ADAMTS2: variants seen among roughly 807,000 people sequenced by gnomAD.
ADAMTS2 encodes A disintegrin and metalloproteinase with thrombospondin motifs 2.
In ADAMTS2, 50 loss-of-function variants were observed where a neutral mutation model predicts 123.0. That is an observed-to-expected ratio of 0.41 (90% CI 0.32 to 0.51). The LOEUF is 0.51. Among genes scored for constraint, ADAMTS2 ranks in the 20% least tolerant of loss-of-function variants. ADAMTS2 has a pLI of 0.35. For missense variants in ADAMTS2, 1,494 were observed against 1,705.2 expected (o/e 0.88, Z 2.18); for synonymous variants, 678 against 695.4 (o/e 0.98, Z 0.39).
Position 179,153,529 on chromosome 5 carries a change from G to T in ADAMTS2, c.1477C>A (p.Arg493Ser), listed in dbSNP as rs779902229. Reference protein sequence around the residue: ...GLHYSMNEQCRFDFGLGYMMC... With the variant: ...GLHYSMNEQCSFDFGLGYMMC... ...ATGTAGCCCAGGCCGAAGTCAAAGCGGCATTGCTCGTTCATGGAGTAGTGC... is the reference window on the plus strand; with the variant it reads ...ATGTAGCCCAGGCCGAAGTCAAAGCTGCATTGCTCGTTCATGGAGTAGTGC... The change falls in exon 9 of 22, where the codon CGC becomes AGC. Residue 493 changes from arginine (R) to serine (S), a missense_variant. Physicochemically the swap from Arg to Ser is moderately radical, Grantham distance 110. Transcript: ENST00000251582. 4 of 1,610,908 alleles carry T rather than the reference G, an allele frequency of 2.5e-6. No individual in the cohort carries two copies. The highest frequency in any genetic ancestry group is 3.4e-6 in the Non-Finnish European group (4 of 1,179,886).
chr5:179,221,423 C>T (rs1330063787), intron 3 of ADAMTS2, among the ~76,000 whole-genome samples: 1 of 152,162 alleles, frequency 6.6e-6, no homozygotes, highest in African/African-American at 2.4e-5. Context: ...CTGCCATCAC[C>T]CACCATGACC....
chr5:179,299,030 T>C (rs1331360793), intron 2 of ADAMTS2, among the ~76,000 whole-genome samples: 1 of 152,068 alleles, frequency 6.6e-6, no homozygotes, highest in Non-Finnish European at 1.5e-5. Context: ...GTTCACAACC[T>C]TCTTAATTAT....
chr5:179,121,769 G>C lies in ADAMTS2; in HGVS notation c.3089-19C>G, dbSNP rs761307854. ...ATGTTTCCTAGAGGGAGGAGAGAGG[G>C]GCTGCGGCCGCAGGGCACCAGGCTG... On this transcript the variant is annotated intron_variant, in intron 20 of 21. Coordinates refer to ENST00000251582, the MANE Select transcript of ADAMTS2 (RefSeq NM_014244.5). 5.9e-6 allele frequency: 9 copies of C among 1,518,158 alleles called. No individual in the cohort carries two copies. The East Asian group carries it at 2.3e-4, about 38-fold the overall frequency. The allele number at this position is 1,518,158 out of a possible 1,614,324, so 94.0% of individuals were successfully genotyped here. A position where few individuals can be genotyped will look rare whatever the true frequency, so the allele number is the denominator to read the frequency against.
At chr5:179,196,873 A>G (rs1332868227) in intron 4 of ADAMTS2, among the ~76,000 whole-genome samples, 1 of 152,238 alleles carries the variant, frequency 6.6e-6, no homozygotes, top group Non-Finnish European at 1.5e-5. Context: ...TCATAAATCA[A>G]TAGGCGTGGC....
intron 3 of ADAMTS2, among the ~76,000 whole-genome samples, chr5:179,267,719 C>G (rs1040091840): frequency 6.6e-6 from 1 of 152,180 alleles, no homozygotes; most frequent in Non-Finnish European, 1.5e-5. Flanking sequence ...GAGGGGACCC[C>G]AGGCATGACA....
rs577847960 is a variant in ADAMTS2, at chr5:179,263,462, C to G, written c.688+9449G>C. On this transcript the variant is annotated intron_variant, in intron 3 of 21. Transcript: ENST00000251582. ...TTCAGGTGCCCGGCCTTTTCCCAAC[C>G]AGACCAGCGCACCAGCCACCTCTCC... Among the ~76,000 whole-genome samples the G allele has an allele frequency of 1.4e-3, 213 of 152,330 alleles. 4 individuals are homozygous for G. Among genetic ancestry groups the G allele is most frequent in the African/African-American group, 5.0e-3 (207 of 41,568 alleles).
At chr5:179,240,597 C>A (rs1439183226) in intron 3 of ADAMTS2, among the ~76,000 whole-genome samples, 5 of 152,172 alleles carry the variant, frequency 3.3e-5, no homozygotes, top group African/African-American at 1.2e-4. Flanking sequence ...AAGGTATGAC[C>A]AAGGCCAAAT....
At chr5:179,165,457 G>T (rs143417034) in intron 5 of ADAMTS2, among the ~76,000 whole-genome samples, 3 of 152,148 alleles carry the variant, frequency 2.0e-5, no homozygotes, top group Admixed American at 2.0e-4. Context: ...CTGCCTGCTC[G>T]GCTCTGCACG....
chr5:179,281,708 G>A (rs1352440003), intron 2 of ADAMTS2, among the ~76,000 whole-genome samples: 1 of 152,134 alleles, frequency 6.6e-6, no homozygotes, highest in Non-Finnish European at 1.5e-5. Context: ...GGAATTACTG[G>A]GTCATACAGT....
chr5:179,187,212 C>CAAAGG (rs1252460242), intron 4 of ADAMTS2, among the ~76,000 whole-genome samples: 1 of 152,172 alleles, frequency 6.6e-6, no homozygotes, highest in African/African-American at 2.4e-5. Context: ...AAATATATCT[C>CAAAGG]AAAGGAAAGA....
At chr5:179,277,254 G>C (rs1407780083) in intron 2 of ADAMTS2, among the ~76,000 whole-genome samples, 4 of 152,056 alleles carry the variant, frequency 2.6e-5, no homozygotes, top group African/African-American at 9.7e-5. Flanking sequence ...GTTGACCACC[G>C]TGCGATGCGC....
At chr5:179,322,596 G>GTCAGCCTT (rs1757217266) in intron 2 of ADAMTS2, among the ~76,000 whole-genome samples, 1 of 152,236 alleles carries the variant, frequency 6.6e-6, no homozygotes, top group African/African-American at 2.4e-5. Context: ...GACTTGTCAA[G>GTCAGCCTT]GCTGCGCCAG....
In ADAMTS2 at chr5:179,188,909, C is replaced by G. The variant is rs374712550; in HGVS notation, c.892-7754G>C. Among the ~76,000 whole-genome samples, 21 of 152,120 alleles carry G rather than the reference C, an allele frequency of 1.4e-4. No individual in the cohort carries two copies. The highest frequency in any genetic ancestry group is 1.4e-3 in the Admixed American group (21 of 15,266). ...CAGCAGGCACGTTGAGAAGACAGGTCGCATTACAAACCTTCCCGGGTTTGT... is the reference window on the plus strand; with the variant it reads ...CAGCAGGCACGTTGAGAAGACAGGTGGCATTACAAACCTTCCCGGGTTTGT... On this transcript the variant is annotated intron_variant, in intron 4 of 21. Coordinates refer to ENST00000251582, the MANE Select transcript of ADAMTS2 (RefSeq NM_014244.5). The surrounding 1 kb of genome is among the most constrained non-coding windows in gnomAD (Gnocchi z 5.1).
intron 2 of ADAMTS2, among the ~76,000 whole-genome samples, chr5:179,324,750 T>G (rs1207375544): frequency 6.6e-6 from 1 of 152,198 alleles, no homozygotes; most frequent in Non-Finnish European, 1.5e-5. Context: ...ACTAAACACA[T>G]TATTTTGATC....
intron 3 of ADAMTS2, among the ~76,000 whole-genome samples, chr5:179,210,637 C>T (rs1471712298): frequency 1.3e-5 from 2 of 152,168 alleles, no homozygotes; most frequent in African/African-American, 4.8e-5. Flanking sequence ...ACAGCCACGC[C>T]CTGCGTCTGG....
chr5:179,215,362 C>T (rs760656185), intron 3 of ADAMTS2, among the ~76,000 whole-genome samples: 6 of 152,150 alleles, frequency 3.9e-5, no homozygotes, highest in Admixed American at 6.5e-5. Context: ...GCAGGAGAAT[C>T]GCTTGAACCG....
intron 2 of ADAMTS2, among the ~76,000 whole-genome samples, chr5:179,292,522 C>G (rs1756218253): frequency 6.6e-6 from 1 of 152,074 alleles, no homozygotes; most frequent in Non-Finnish European, 1.5e-5. Context: ...ATACATCTTG[C>G]TATTCCCCAT....
In ADAMTS2 at chr5:179,345,350, GC is replaced by G; in HGVS notation, c.-23del. On this transcript the variant is annotated 5_prime_UTR_variant, in exon 1 of 22. Transcript: ENST00000251582. This position sits in a 1 kb window ranked among gnomAD's most constrained non-coding sequence, Gnocchi z 7.5. Reference sequence around the variant, plus strand: ...CCATGGCAGCCGGACTGCAGCCGGGGCCCCGCACTCGCAGCCGGCGCGAAAG... The same window carrying G: ...CCATGGCAGCCGGACTGCAGCCGGGGCCCGCACTCGCAGCCGGCGCGAAAG... 7.1e-6 allele frequency: 8 copies of G among 1,131,968 alleles called. No individual in the cohort carries two copies. Among genetic ancestry groups the G allele is most frequent in the Admixed American group, 4.9e-5 (1 of 20,376 alleles). 70.1% of individuals were successfully genotyped at this position (1,131,968 alleles called of 1,614,324 possible). A position where few individuals can be genotyped will look rare whatever the true frequency, so the allele number is the denominator to read the frequency against.
chr5:179,270,768 G>A (rs1232255524), intron 3 of ADAMTS2, among the ~76,000 whole-genome samples: 1 of 152,116 alleles, frequency 6.6e-6, no homozygotes, highest in Non-Finnish European at 1.5e-5. Flanking sequence ...CCAGGGCCAC[G>A]TGGGAACGAT....
Sources: allele counts gnomAD v4.1 joint callset (sites outside exome capture counted in the v4.1 genomes callset), GRCh38; gene constraint gnomAD v4.1.1; non-coding constraint Gnocchi (gnomAD v3.1); transcripts MANE v1.5; gene names NCBI Gene and HGNC (gene_info 2026-07-23, HGNC 2026-07-21).